Variants in PPP2R2C observed in about 807,000 individuals in gnomAD.
PPP2R2C encodes the protein protein phosphatase 2 regulatory subunit Bgamma.
In PPP2R2C, 10 loss-of-function variants were observed where a neutral mutation model predicts 45.3. The ratio of observed to expected loss-of-function variants is 0.22; its 90% CI spans 0.14 to 0.37. The LOEUF is 0.37. Ranked by LOEUF, PPP2R2C falls within the 10% of genes least tolerant of loss-of-function variation. PPP2R2C has a pLI of 1.00. For synonymous variants in PPP2R2C, 257 were observed against 245.4 expected, an observed-to-expected ratio of 1.05 and a Z score of -0.44; for missense variants, 308 against 619.7, an observed-to-expected ratio of 0.50 and a Z score of 5.34.
At position 6,388,852 on chromosome 4, in the gene PPP2R2C, T is replaced by C. The variant is rs546377078; in HGVS notation, c.71-7758A>G. Among the ~76,000 whole-genome samples the C allele has an allele frequency of 5.9e-5, 9 of 152,160 alleles. No individual in the cohort carries two copies. In the South Asian group the frequency reaches 1.5e-3, roughly 25 times the overall value. On this transcript the variant is annotated intron_variant, in intron 1 of 8. Coordinates refer to ENST00000382599, the MANE Select transcript of PPP2R2C (RefSeq NM_020416.4). The stretch of plus-strand genomic sequence containing the variant: ...CTGTGAGAGAACAAATTTCGGTTGT[T>C]TTAAGCCACGCAGTTTGTAGCACTT...
At chr4:6,395,048 G>C (rs532737601) in intron 1 of PPP2R2C, among the ~76,000 whole-genome samples, 2 of 152,032 alleles carry the variant, frequency 1.3e-5, no homozygotes, top group Non-Finnish European at 1.5e-5. Flanking sequence ...TCTCACCCGC[G>C]AGCCTGCAGC....
chr4:6,517,338 A>C (rs1032016999), intron 2 of PPP2R2C, among the ~76,000 whole-genome samples: 3 of 152,124 alleles, frequency 2.0e-5, no homozygotes, highest in Non-Finnish European at 2.9e-5. Context: ...CTGGGTCCAA[A>C]ACCTGGCTGG....
intron 1 of PPP2R2C, among the ~76,000 whole-genome samples, chr4:6,442,306 G>A (rs544251780): frequency 6.6e-6 from 1 of 152,242 alleles, no homozygotes; most frequent in South Asian, 2.1e-4. Flanking sequence ...GCCCAGAGAG[G>A]GGCATCAGCT....
At chr4:6,491,225 T>C (rs1722690482) in intron 2 of PPP2R2C, among the ~76,000 whole-genome samples, 1 of 152,210 alleles carries the variant, frequency 6.6e-6, no homozygotes, top group Non-Finnish European at 1.5e-5. Context: ...GATGAATGGA[T>C]GATCAAGGAG....
chr4:6,466,288 C>T (rs1004737424), intron 1 of PPP2R2C, among the ~76,000 whole-genome samples: 8 of 152,140 alleles, frequency 5.3e-5, no homozygotes, highest in Non-Finnish European at 7.4e-5. Flanking sequence ...CATCAGATTT[C>T]GCTTACAAAA....
intron 1 of PPP2R2C, among the ~76,000 whole-genome samples, chr4:6,453,421 T>A (rs1240262748): frequency 6.6e-6 from 1 of 151,998 alleles, no homozygotes; most frequent in South Asian, 2.1e-4. Context: ...CAGCTCTGCC[T>A]CCTCAGCTCG....
intron 1 of PPP2R2C, among the ~76,000 whole-genome samples, chr4:6,540,893 T>C (rs1366087394): frequency 6.6e-6 from 1 of 152,248 alleles, no homozygotes; most frequent in Non-Finnish European, 1.5e-5. Context: ...TTTTATAAAA[T>C]AAAGCCAGAG....
rs112182178 is a variant in PPP2R2C, at chr4:6,542,709, A to AAAAAAAAAAAGG, written c.-58-7333_-58-7332insCCTTTTTTTTTT. 1.7e-4 allele frequency among the ~76,000 whole-genome samples: 22 copies of AAAAAAAAAAAGG among 127,836 alleles called. 1 individual carries two copies. The East Asian group carries it at 3.5e-3, about 21-fold the overall frequency. 83.9% of individuals were successfully genotyped at this position (127,836 alleles called of 152,430 possible). ...CAGAGCAAGACTCTGTCTCAAAAAA[A>AAAAAAAAAAAGG]AAAAAGAAAAAGAAAAAAAGATCAT... On this transcript the variant is annotated intron_variant, in intron 1 of 9. Transcript: ENST00000506140.
At chr4:6,501,700 C>T (rs750617199) in intron 2 of PPP2R2C, among the ~76,000 whole-genome samples, 4 of 152,196 alleles carry the variant, frequency 2.6e-5, no homozygotes, top group Non-Finnish European at 2.9e-5. Context: ...GCCCATTTTA[C>T]AGACGAAGAA....
At chr4:6,473,369 C>A (rs1374090071), upstream of PPP2R2C, among the ~76,000 whole-genome samples, 3 of 152,122 alleles carry the variant, frequency 2.0e-5, no homozygotes, top group African/African-American at 7.2e-5. Flanking sequence ...ACATAGTGGG[C>A]CCTCAAAAAA....
At chr4:6,502,530 C>T (rs1299255327) in intron 2 of PPP2R2C, among the ~76,000 whole-genome samples, 1 of 151,970 alleles carries the variant, frequency 6.6e-6, no homozygotes, top group Non-Finnish European at 1.5e-5. Flanking sequence ...TCCCTCCTTC[C>T]CTGCTTCCTT....
chr4:6,417,753 G>C (rs1718688199), intron 1 of PPP2R2C, among the ~76,000 whole-genome samples: 1 of 152,246 alleles, frequency 6.6e-6, no homozygotes, highest in Non-Finnish European at 1.5e-5. Context: ...GCCAGGCAGA[G>C]GGGAACCTCG....
At chr4:6,482,183 A>C (rs1200460938) in intron 2 of PPP2R2C, among the ~76,000 whole-genome samples, 2 of 152,166 alleles carry the variant, frequency 1.3e-5, no homozygotes, top group Non-Finnish European at 2.9e-5. Flanking sequence ...TCTTCATAAC[A>C]ATAACAACCA....
At position 6,372,639 on chromosome 4, in the gene PPP2R2C, T is replaced by C. The variant is rs1459598988; in HGVS notation, c.509A>G (p.Asn170Ser). Residue 170 changes from asparagine to serine, a missense_variant, in exon 5 of 9, where the codon AAT becomes AGT. Coordinates refer to ENST00000382599, the MANE Select transcript of PPP2R2C (RefSeq NM_020416.4). ...VEVSPRRIFA[N>S]GHTYHINSIS... ...GGAGTTGATGTGGTAGGTGTGGCCA[T>C]TGGCAAAGATCCTCCGAGGGCTCAC... 1.9e-6 allele frequency: 3 copies of C among 1,614,052 alleles called. No individual in the cohort carries two copies. The highest frequency in any genetic ancestry group is 2.7e-5 in the African/African-American group (2 of 74,912).
chr4:6,538,190 C>G (rs958696664), intron 1 of PPP2R2C, among the ~76,000 whole-genome samples: 1 of 152,132 alleles, frequency 6.6e-6, no homozygotes, highest in Admixed American at 6.5e-5. Context: ...ATCTTCCCAA[C>G]GGCCCACTGA....
intron 2 of PPP2R2C, among the ~76,000 whole-genome samples, chr4:6,496,733 T>A (rs1475256980): frequency 1.3e-5 from 2 of 152,000 alleles, no homozygotes; most frequent in African/African-American, 4.8e-5. Flanking sequence ...TGGTGGTGCA[T>A]GCCTGTAATC....
chr4:6,326,273 G>T (rs908714251), intron 8 of PPP2R2C, among the ~76,000 whole-genome samples: 2 of 152,152 alleles, frequency 1.3e-5, no homozygotes, highest in Non-Finnish European at 2.9e-5. Context: ...AGGGAGGAGC[G>T]GAGATGGGGA....
At chr4:6,546,103 A>G (rs1724972456) in intron 1 of PPP2R2C, among the ~76,000 whole-genome samples, 1 of 152,256 alleles carries the variant, frequency 6.6e-6, no homozygotes, top group African/African-American at 2.4e-5. Context: ...CTGACTTAGC[A>G]TCAATGGTGC....
chr4:6,369,527 G>C (rs142519912), intron 5 of PPP2R2C, among the ~76,000 whole-genome samples: 1 of 152,196 alleles, frequency 6.6e-6, no homozygotes, highest in African/African-American at 2.4e-5. Context: ...GGAAGCACAC[G>C]TGGCATGTGG....
Sources: gnomAD v4.1 joint callset for allele counts (sites outside exome capture counted in the v4.1 genomes callset) on GRCh38, gnomAD v4.1.1 for gene constraint, MANE v1.5 for transcripts, NCBI Gene and HGNC (gene_info 2026-07-23, HGNC 2026-07-21) for gene names.